USH2A: variants seen among roughly 807,000 people sequenced by gnomAD.
The protein encoded by USH2A is usherin, also known as Usher syndrome 2A (autosomal recessive, mild).
USH2A carries 443 observed loss-of-function variants against 538.9 expected under a neutral mutation model. The ratio of observed to expected loss-of-function variants is 0.82; its 90% CI spans 0.76 to 0.89. USH2A has a LOEUF of 0.89. Among genes scored for constraint, USH2A ranks in the 40% least tolerant of loss-of-function variants. The pLI is 0.00. For missense variants in USH2A, 6,633 were observed against 6,324.8 expected, an observed-to-expected ratio of 1.05 and a Z score of -1.65; for synonymous variants, 2,413 against 2,273.5, an observed-to-expected ratio of 1.06 and a Z score of -1.75.
chr1:216,175,122 G>A, intron 21 of USH2A, 130 bp downstream of exon 21: 1 of 1,515,388 alleles, frequency 6.6e-7, no homozygotes, highest in Non-Finnish European at 8.9e-7. Flanking sequence ...TCAGGCAAAA[G>A]CTATCAAAGG....
At chr1:215,815,146 C>G (rs1156424963) in intron 48 of USH2A, among the ~76,000 whole-genome samples, 1 of 151,998 alleles carries the variant, frequency 6.6e-6, no homozygotes, top group Non-Finnish European at 1.5e-5. Flanking sequence ...AACTGACATC[C>G]TTTATTCTCT....
intron 4 of USH2A, among the ~76,000 whole-genome samples, chr1:216,362,725 C>T (rs2038518017): frequency 6.6e-6 from 1 of 151,728 alleles, no homozygotes; most frequent in African/African-American, 2.4e-5. Flanking sequence ...GGTGGATCAC[C>T]TGAGGCCAGG....
intron 21 of USH2A, among the ~76,000 whole-genome samples, chr1:216,160,131 T>A (rs1359491529): frequency 6.6e-6 from 1 of 152,078 alleles, no homozygotes. Flanking sequence ...CATTTCTGTT[T>A]GCTATATCAT....
In USH2A at chr1:215,829,316, T is replaced by A. The variant is rs577583898; in HGVS notation, c.9371+8675A>T. On this transcript the variant is annotated intron_variant, in intron 47 of 71. Coordinates refer to ENST00000307340, the MANE Select transcript of USH2A (RefSeq NM_206933.4). The stretch of plus-strand genomic sequence containing the variant: ...AGGGCTTGTACTGCTGAAGATGTAG[T>A]CAAAAACAAGGCATAAGTTAAGGCC... Among the ~76,000 whole-genome samples the A allele has an allele frequency of 4.6e-5, 7 of 152,248 alleles. No homozygotes were observed. In the East Asian group the frequency reaches 1.4e-3, roughly 29 times the overall value.
At chr1:216,419,027 G>T (rs966947518) in intron 2 of USH2A, among the ~76,000 whole-genome samples, 1 of 152,052 alleles carries the variant, frequency 6.6e-6, no homozygotes, top group African/African-American at 2.4e-5. Flanking sequence ...AGAGGAAGTG[G>T]TACAACACAC....
intron 50 of USH2A, among the ~76,000 whole-genome samples, chr1:215,793,642 C>G (rs1334834361): frequency 1.3e-5 from 2 of 152,060 alleles, no homozygotes; most frequent in Non-Finnish European, 2.9e-5. Flanking sequence ...ACACCATGGA[C>G]TTCTGTAATT....
At chr1:215,848,532 C>T (rs1341779711) in intron 44 of USH2A, among the ~76,000 whole-genome samples, 1 of 152,130 alleles carries the variant, frequency 6.6e-6, no homozygotes, top group African/African-American at 2.4e-5. Flanking sequence ...ATTAAATGTC[C>T]TTTCTTAGCC....
chr1:216,307,059 AG>A (rs1255693830), intron 9 of USH2A, among the ~76,000 whole-genome samples: 1 of 152,092 alleles, frequency 6.6e-6, no homozygotes, highest in Non-Finnish European at 1.5e-5. Flanking sequence ...GCAGTAGCAT[AG>A]GGAGGATACA....
chr1:216,239,248 A>G (rs1040921789), intron 13 of USH2A, among the ~76,000 whole-genome samples: 24 of 152,228 alleles, frequency 1.6e-4, no homozygotes, highest in Admixed American at 1.0e-3. Flanking sequence ...TTTGTTAAAA[A>G]ATATATGATA....
At chr1:216,230,187 G>T (rs1558330895) in intron 14 of USH2A, among the ~76,000 whole-genome samples, 1 of 152,218 alleles carries the variant, frequency 6.6e-6, no homozygotes, top group Admixed American at 6.5e-5. Flanking sequence ...AAAGACAGAG[G>T]TGGCCAGGAG....
chr1:215,953,513 G>A (rs1666983894), intron 37 of USH2A, among the ~76,000 whole-genome samples: 1 of 152,156 alleles, frequency 6.6e-6, no homozygotes, highest in Non-Finnish European at 1.5e-5. Flanking sequence ...CTAGCCATAT[G>A]TAGAAGCTGA....
chr1:215,940,390 T>C (rs574307933), intron 37 of USH2A, among the ~76,000 whole-genome samples: 1 of 152,246 alleles, frequency 6.6e-6, no homozygotes, highest in African/African-American at 2.4e-5. Flanking sequence ...GGTCTCTCTA[T>C]ATACCCTGTA....
intron 3 of USH2A, among the ~76,000 whole-genome samples, chr1:216,370,328 T>G (rs1185207119): frequency 1.3e-5 from 2 of 151,526 alleles, no homozygotes; most frequent in African/African-American, 2.4e-5. Flanking sequence ...GCCACTGCAC[T>G]CCAGCCTGGG....
chr1:215,810,520 A>C (rs1662637718), intron 49 of USH2A, among the ~76,000 whole-genome samples: 1 of 152,188 alleles, frequency 6.6e-6, no homozygotes, highest in Admixed American at 6.6e-5. Context: ...GTTGCAAATC[A>C]TAACATAAAA....
intron 67 of USH2A, 110 bp from the exon 68 acceptor site, chr1:215,640,844 C>CAAAAAAAAA (rs56212994): frequency 1.0e-4 from 50 of 496,748 alleles, no homozygotes; most frequent in South Asian, 4.0e-4. Flanking sequence ...CCAATCCAAA[C>CAAAAAAAAA]AAAAAAAAAA....
chr1:216,236,972 T>C (rs1467565950), intron 13 of USH2A, among the ~76,000 whole-genome samples: 1 of 152,124 alleles, frequency 6.6e-6, no homozygotes, highest in Non-Finnish European at 1.5e-5. Context: ...ACCCAAATAA[T>C]GACAACTCTG....
At chr1:215,947,536 G>T (rs1374178213) in intron 37 of USH2A, among the ~76,000 whole-genome samples, 1 of 152,132 alleles carries the variant, frequency 6.6e-6, no homozygotes, top group African/African-American at 2.4e-5. Context: ...AAACCTCATT[G>T]TTCAAAGATC....
chr1:215,628,943 G>T lies in USH2A; in HGVS notation c.15390C>A (p.Asn5130Lys). Residue 5130 changes from asparagine (N) to lysine (K), a missense_variant, in exon 71 of 72, where the codon AAC (asparagine) becomes AAA (lysine). Asn to Lys is a moderately conservative substitution (Grantham distance 94). Coordinates refer to ENST00000307340, the MANE Select transcript of USH2A (RefSeq NM_206933.4). Reference protein sequence around the residue: ...SACVLRIPSQNQTSLTYSQGS... With the variant: ...SACVLRIPSQKQTSLTYSQGS... ...CCTGGGAGTAGGTTAGGCTGGTTTG[G>T]TTTTGACTCGGGATGCGCAGGACAC... 6.2e-7 allele frequency: 1 copy of T among 1,614,140 alleles called. No individual in the cohort carries two copies. Among genetic ancestry groups the T allele is most frequent in the Non-Finnish European group, 8.5e-7 (1 of 1,180,042 alleles).
At chr1:216,355,370 AGAAAGAAG>A (rs1341608511) in intron 4 of USH2A, among the ~76,000 whole-genome samples, 16 of 144,784 alleles carry the variant, frequency 1.1e-4, no homozygotes, top group East Asian at 4.2e-4. Flanking sequence ...AAAGAAAGAA[AGAAAGAAG>A]GAAAGAAACA....
Sources: allele counts gnomAD v4.1 joint callset (sites outside exome capture counted in the v4.1 genomes callset), GRCh38; gene constraint gnomAD v4.1.1; transcripts MANE v1.5; gene names NCBI Gene and HGNC (gene_info 2026-07-23, HGNC 2026-07-21).